PRDM16: variants seen among roughly 807,000 people sequenced by gnomAD.
PRDM16 encodes histone-lysine N-methyltransferase PRDM16.
Under a neutral mutation model 110.6 loss-of-function variants are expected in PRDM16, and 23 were observed. The observed-to-expected ratio is 0.21, with a 90% CI of 0.15 to 0.29. PRDM16 has a LOEUF of 0.29. Ranked by LOEUF, PRDM16 falls within the 10% of genes least tolerant of loss-of-function variation. The pLI is 1.00. For synonymous variants in PRDM16, 799 were observed against 781.8 expected (o/e 1.02, Z -0.37); for missense variants, 1,615 against 1,794.3 (o/e 0.90, Z 1.81).
At chr1:3,172,070 C>T (rs947949329) in intron 1 of PRDM16, among the ~76,000 whole-genome samples, 12 of 152,270 alleles carry the variant, frequency 7.9e-5, no homozygotes, top group Admixed American at 3.9e-4. Context: ...TGGGCCCTGC[C>T]GGCTGCCAAG....
chr1:3,131,212 T>C (rs1643329858), intron 1 of PRDM16, among the ~76,000 whole-genome samples: 1 of 151,838 alleles, frequency 6.6e-6, no homozygotes, highest in Non-Finnish European at 1.5e-5. Flanking sequence ...CAAGACTCCC[T>C]CTCTCTCTCT....
At chr1:3,269,833 TCCCAGAGGA>T (rs1640394047) in intron 3 of PRDM16, among the ~76,000 whole-genome samples, 1 of 76,156 alleles carries the variant, frequency 1.3e-5, no homozygotes, top group Admixed American at 1.6e-4. Flanking sequence ...AGGAGGACAG[TCCCAGAGGA>T]TGAAAGTCCC....
intron 16 of PRDM16, among the ~76,000 whole-genome samples, chr1:3,433,188 G>T (rs543939608): frequency 6.6e-6 from 1 of 152,260 alleles, no homozygotes; most frequent in African/African-American, 2.4e-5. Context: ...GGGAGCTGGT[G>T]TGCACAGGAG....
At chr1:3,392,475 C>G (rs931143247) in intron 4 of PRDM16, among the ~76,000 whole-genome samples, 1 of 152,212 alleles carries the variant, frequency 6.6e-6, no homozygotes, top group African/African-American at 2.4e-5. Flanking sequence ...TCCTTTTAGT[C>G]TGCAGTCCGG....
intron 3 of PRDM16, among the ~76,000 whole-genome samples, chr1:3,360,965 C>T (rs760666581): frequency 2.6e-5 from 4 of 152,172 alleles, no homozygotes; most frequent in African/African-American, 9.7e-5. Flanking sequence ...GGCTGGCGGC[C>T]GGAGTCTATG....
At chr1:3,152,061 T>C (rs539299532) in intron 1 of PRDM16, among the ~76,000 whole-genome samples, 1 of 152,298 alleles carries the variant, frequency 6.6e-6, no homozygotes, top group South Asian at 2.1e-4. Flanking sequence ...AATGGCCTCA[T>C]CCTCACTGAG....
intron 3 of PRDM16, among the ~76,000 whole-genome samples, chr1:3,352,528 C>T (rs946114682): frequency 6.6e-6 from 1 of 152,182 alleles, no homozygotes; most frequent in Non-Finnish European, 1.5e-5. Flanking sequence ...CTTTCTTCTC[C>T]CTCCACGGGC....
At chr1:3,288,119 A>G (rs1044928188) in intron 3 of PRDM16, among the ~76,000 whole-genome samples, 1 of 152,224 alleles carries the variant, frequency 6.6e-6, no homozygotes, top group Non-Finnish European at 1.5e-5. Context: ...CTGTCCACAC[A>G]GCGCATGACA....
chr1:3,425,672 C>T lies in PRDM16; in HGVS notation c.3031C>T (p.His1011Tyr), dbSNP rs1638582597. Residue 1011 changes from histidine (H) to tyrosine (Y), a missense_variant, in exon 13 of 17, where the codon CAC becomes TAC. Around this residue, in one of 5 missense-constraint regions of PRDM16, gnomAD observed 327 missense variants for 359.3 expected, o/e 0.91. Coordinates refer to ENST00000270722, the MANE Select transcript of PRDM16 (RefSeq NM_022114.4). The surrounding 1 kb of genome is among the most constrained non-coding windows in gnomAD (Gnocchi z 6.9). ...IHNKEKPFKC[H>Y]LCNRCFGQQT... ...CAACAAGGAGAAGCCTTTCAAGTGC[C>T]ACCTGTGCAACCGCTGCTTCGGGCA... The T allele has an allele frequency of 1.2e-6, 2 of 1,613,856 alleles. No individual in the cohort carries two copies. Among genetic ancestry groups the T allele is most frequent in the African/African-American group, 2.7e-5 (2 of 74,928 alleles).
chr1:3,074,523 A>T (rs1392488964), intron 1 of PRDM16, among the ~76,000 whole-genome samples: 2 of 152,064 alleles, frequency 1.3e-5, no homozygotes, highest in African/African-American at 4.8e-5. Flanking sequence ...GCAGGACATC[A>T]CGTGCGTCCA....
chr1:3,426,400 C>A (rs1638607401), intron 14 of PRDM16, among the ~76,000 whole-genome samples, 175 bp downstream of exon 14: 1 of 152,006 alleles, frequency 6.6e-6, no homozygotes, highest in Non-Finnish European at 1.5e-5. Flanking sequence ...CCTGGGGAAG[C>A]TGCGCTGTCT....
intron 3 of PRDM16, among the ~76,000 whole-genome samples, chr1:3,371,093 A>G (rs114919048): frequency 6.7e-6 from 1 of 149,566 alleles, no homozygotes; most frequent in East Asian, 2.0e-4. Flanking sequence ...CCATCCATCC[A>G]TGCATCCACT....
intron 1 of PRDM16, among the ~76,000 whole-genome samples, chr1:3,114,161 A>G (rs1446188524): frequency 8.9e-6 from 1 of 112,422 alleles, no homozygotes; most frequent in African/African-American, 3.2e-5. Flanking sequence ...ACGCACACAC[A>G]CACGCACACA....
chr1:3,088,189 A>G (rs1246410235), intron 1 of PRDM16, among the ~76,000 whole-genome samples: 1 of 152,070 alleles, frequency 6.6e-6, no homozygotes, highest in East Asian at 1.9e-4. Context: ...TGGCTGAGAA[A>G]TCTCCTCACC....
intron 1 of PRDM16, among the ~76,000 whole-genome samples, chr1:3,132,199 G>T (rs1488230006): frequency 1.3e-5 from 2 of 152,166 alleles, no homozygotes; most frequent in Non-Finnish European, 2.9e-5. Flanking sequence ...CAGGATGAAG[G>T]GTTACACGGC....
In PRDM16 at chr1:3,432,117, C is replaced by G. The variant is rs762291683; in HGVS notation, c.3673C>G (p.Leu1225Val). Residue 1225 changes from leucine (L) to valine (V), a missense_variant, in exon 16 of 17, where the codon CTG becomes GTG. Coordinates refer to ENST00000270722, the MANE Select transcript of PRDM16 (RefSeq NM_022114.4). ...AGATTCTGAGGCTTTAAAACATACA[C>G]TGTGCAGGCAGGCTAAGAACCAGGT... Reference protein sequence around the residue: ...TLDSEALKHTLCRQAKNQAYA... With the variant: ...TLDSEALKHTVCRQAKNQAYA... 5.6e-6 allele frequency: 9 copies of G among 1,613,888 alleles called. No individual in the cohort carries two copies. In the East Asian group the frequency reaches 2.0e-4, roughly 36 times the overall value.
chr1:3,116,645 G>A (rs1192329608), intron 1 of PRDM16, among the ~76,000 whole-genome samples: 1 of 152,212 alleles, frequency 6.6e-6, no homozygotes, highest in Non-Finnish European at 1.5e-5. Context: ...GGCAGACACG[G>A]TGTGGCCTGT....
chr1:3,405,443 G>A, intron 7 of PRDM16, 52 bp from the exon 8 acceptor site: 1 of 1,506,680 alleles, frequency 6.6e-7, no homozygotes, highest in Non-Finnish European at 8.9e-7. Context: ...CCAGAACCAG[G>A]CCAAGGCGGG....
Position 3,285,776 on chromosome 1 carries a change from A to C in PRDM16, c.438+41639A>C, listed in dbSNP as rs1241711153. On this transcript the variant is annotated intron_variant, in intron 3 of 16. Transcript: ENST00000270722. ...GGCCATGGCAGAGGAAAGCCCCCCC[A>C]CCACCGGACACCTGGCATGTCCACC... is the stretch of plus-strand genomic sequence containing the variant. Among the ~76,000 whole-genome samples the C allele has an allele frequency of 5.9e-5, 9 of 151,960 alleles. No homozygotes were observed. The East Asian group carries it at 1.6e-3, about 26-fold the overall frequency.
Sources: allele counts gnomAD v4.1 joint callset (sites outside exome capture counted in the v4.1 genomes callset), GRCh38; gene constraint gnomAD v4.1.1; regional missense constraint gnomAD v4.1.1; non-coding constraint Gnocchi (gnomAD v3.1); transcripts MANE v1.5; gene names NCBI Gene and HGNC (gene_info 2026-07-23, HGNC 2026-07-21).